The following ATP1A2 variants were observed in gnomAD, a reference collection of about 807,000 sequenced individuals.
The protein encoded by ATP1A2 is ATPase Na+/K+ transporting subunit alpha 2.
Under a neutral mutation model 113.1 loss-of-function variants are expected in ATP1A2, and 56 were observed. The ratio of observed to expected loss-of-function variants is 0.49; its 90% CI spans 0.40 to 0.62. ATP1A2 has a LOEUF of 0.62. ATP1A2 is among the 20% of genes least tolerant of loss of function. The pLI is 0.00. For synonymous variants in ATP1A2, 490 were observed against 526.8 expected, an observed-to-expected ratio of 0.93 and a Z score of 0.96; for missense variants, 712 against 1,357.8, an observed-to-expected ratio of 0.52 and a Z score of 7.47.
rs1394564075 is a variant in ATP1A2, at chr1:160,136,873, C to T, written c.2710-28C>T. The T allele has an allele frequency of 3.1e-6, 5 of 1,614,128 alleles. No individual in the cohort carries two copies. The African/African-American group carries it at 6.7e-5, about 22-fold the overall frequency. Reference sequence around the variant, plus strand: ...GTCCTACCCTTTCCTCCGACACTCTCATCTGTCTCTGCCCACCCTCCCTCC... The same window carrying T: ...GTCCTACCCTTTCCTCCGACACTCTTATCTGTCTCTGCCCACCCTCCCTCC... On this transcript the variant is annotated intron_variant, in intron 19 of 22. Coordinates refer to ENST00000361216, the MANE Select transcript of ATP1A2 (RefSeq NM_000702.4).
chr1:160,139,929 C>T lies in ATP1A2; in HGVS notation c.2979C>T (p.Leu993=). 2 of 1,614,188 alleles carry T rather than the reference C, an allele frequency of 1.2e-6. No individual in the cohort carries two copies. Among genetic ancestry groups the T allele is most frequent in the South Asian group, 2.2e-5 (2 of 91,082 alleles). Residue 993 remains leucine, a synonymous_variant, in exon 22 of 23, where the codon CTC becomes CTT. Transcript: ENST00000361216. ...TWWFCAFPYS[L]LIFIYDEVRK... ...GGTTCTGCGCCTTCCCCTACAGCCT[C>T]CTCATCTTCATCTATGATGAGGTCC...
At chr1:160,140,035 C>T (rs750669074) in intron 22 of ATP1A2, 51 bp downstream of exon 22, 3 of 1,569,666 alleles carry the variant, frequency 1.9e-6, no homozygotes, top group African/African-American at 2.7e-5. Context: ...ACCACCAGCT[C>T]CTCCCTCCAG....
chr1:160,135,897 C>A lies in ATP1A2; in HGVS notation c.2343C>A (p.Ile781=), dbSNP rs1364929174. 6.2e-7 allele frequency: 1 copy of A among 1,614,184 alleles called. No individual in the cohort carries two copies. Among genetic ancestry groups the A allele is most frequent in the Non-Finnish European group, 8.5e-7 (1 of 1,180,034 alleles). Residue 781 remains isoleucine (I), a synonymous_variant, in exon 17 of 23, where the codon ATC becomes ATA. Transcript: ENST00000361216. The surrounding 1 kb of genome is among the most constrained non-coding windows in gnomAD (Gnocchi z 6.3). ...TCGCCTACACCCTGACCAGCAACAT[C>A]CCCGAGATCACCCCCTTCCTGCTGT... ...KSIAYTLTSN[I]PEITPFLLFI...
chr1:160,128,402 A>G, intron 8 of ATP1A2: 3 of 1,071,606 alleles, frequency 2.8e-6, no homozygotes, highest in Non-Finnish European at 4.1e-6. Flanking sequence ...CCCTATGCTC[A>G]GCTCTGCTCT....
intron 1 of ATP1A2, among the ~76,000 whole-genome samples, chr1:160,119,246 C>T (rs1363529925): frequency 1.4e-5 from 1 of 71,418 alleles, no homozygotes; most frequent in Non-Finnish European, 2.4e-5. Flanking sequence ...CCCAAAACTG[C>T]ATTATCCTGC....
rs1558003364 is a variant in ATP1A2, at chr1:160,123,194, C to G, written c.178-19C>G. 1 of 1,613,782 alleles carries G rather than the reference C, an allele frequency of 6.2e-7. No homozygotes were observed. Among genetic ancestry groups the G allele is most frequent in the African/African-American group, 1.3e-5 (1 of 74,922 alleles). On this transcript the variant is annotated intron_variant, in intron 3 of 22. Transcript: ENST00000361216. ...TTGGCTCCGGATGCGTGCCCCTACG[C>G]CTCTCCTTGCTCCCTCAGGGCCTCA...
In ATP1A2 at chr1:160,130,367, G is replaced by A. The variant is rs1651734483; in HGVS notation, c.1652-55G>A. On this transcript the variant is annotated intron_variant, in intron 12 of 22. Coordinates refer to ENST00000361216, the MANE Select transcript of ATP1A2 (RefSeq NM_000702.4). ...GCATCCCTGGGGTGGGGGACTGTGG[G>A]GGCGTCCAGGAAGCCACTCTGCGGA... 4 of 1,614,054 alleles carry A rather than the reference G, an allele frequency of 2.5e-6. No homozygotes were observed. The East Asian group carries it at 6.7e-5, about 27-fold the overall frequency.
In ATP1A2 at chr1:160,124,304, T is replaced by C; in HGVS notation, c.504T>C (p.Leu168=). ...CCTGTGGCTCCCCACAGCAAGCCCT[T>C]GTGATCCGGGAGGGAGAGAAGATGC... ...SFKNMVPQQA[L]VIREGEKMQI... is the part of the protein sequence containing the mutation. The change falls in exon 6 of 23, where the codon CTT becomes CTC. Residue 168 remains leucine, a synonymous_variant. Coordinates refer to ENST00000361216, the MANE Select transcript of ATP1A2 (RefSeq NM_000702.4). The C allele has an allele frequency of 1.9e-6, 3 of 1,603,890 alleles. No individual in the cohort carries two copies. Among genetic ancestry groups the C allele is most frequent in the African/African-American group, 2.7e-5 (2 of 74,740 alleles).
Position 160,135,654 on chromosome 1 carries a change from C to T in ATP1A2, c.2284+52C>T. 6.2e-7 allele frequency: 1 copy of T among 1,612,390 alleles called. No homozygotes were observed. Among genetic ancestry groups the T allele is most frequent in the Non-Finnish European group, 8.5e-7 (1 of 1,179,924 alleles). On this transcript the variant is annotated intron_variant, in intron 16 of 22. Coordinates refer to ENST00000361216, the MANE Select transcript of ATP1A2 (RefSeq NM_000702.4). The surrounding 1 kb of genome is among the most constrained non-coding windows in gnomAD (Gnocchi z 6.3). ...GTTTGCAGGATACTGAAGCCGGCAC[C>T]TCTGTTCCCTGTCCCTTTACCCCAG...
rs961258104 is a variant in ATP1A2 at position 160,136,449 on chromosome 1, A to G, written c.2563+79A>G. The G allele has an allele frequency of 4.3e-6, 7 of 1,612,338 alleles. No homozygotes were observed. The African/African-American group carries it at 9.3e-5, about 22-fold the overall frequency. On this transcript the variant is annotated intron_variant, in intron 18 of 22. Coordinates refer to ENST00000361216, the MANE Select transcript of ATP1A2 (RefSeq NM_000702.4). ...CTTTCAGAGGAATGAGCCCCAAGCA[A>G]AATTCCAGGACAGAGGCCAGCTACC...
intron 13 of ATP1A2, among the ~76,000 whole-genome samples, chr1:160,132,395 G>A (rs73023701): frequency 0.081 from 12,397 of 152,224 alleles, 558 homozygotes; most frequent in Middle Eastern, 0.18. Flanking sequence ...GGTTTGAGGA[G>A]GGACTGGATT....
At chr1:160,140,104 A>AG in intron 22 of ATP1A2, 120 bp downstream of exon 22, 3 of 1,036,196 alleles carry the variant, frequency 2.9e-6, no homozygotes, top group Non-Finnish European at 4.4e-6. Context: ...CAACACCCTC[A>AG]GATCCTGGGG....
chr1:160,119,255 G>GAAAA (rs1558001685), intron 1 of ATP1A2, among the ~76,000 whole-genome samples: 3 of 2,644 alleles, frequency 1.1e-3, no homozygotes, highest in African/African-American at 6.4e-3. Flanking sequence ...GCATTATCCT[G>GAAAA]CAAAAAAAAA....
At chr1:160,123,890 C>A (rs890993788) in intron 4 of ATP1A2, 53 bp from the exon 5 acceptor site, 1 of 1,548,732 alleles carries the variant, frequency 6.5e-7, no homozygotes, top group Non-Finnish European at 8.9e-7. Context: ...TGGCAGCTGC[C>A]CCTTTAGGGT....
In ATP1A2 at chr1:160,120,937, C is replaced by T. The variant is rs371257019; in HGVS notation, c.44C>T (p.Thr15Met). Residue 15 changes from threonine (T) to methionine (M), a missense_variant, in exon 2 of 23, where the codon ACG becomes ATG. This residue lies in a region of ATP1A2 where 109 missense variants were observed against 162.3 expected (regional missense o/e 0.67). Transcript: ENST00000361216. Reference protein sequence around the residue: ...AGREYSPAATTAENGGGKKKQ... With the variant: ...AGREYSPAATMAENGGGKKKQ... ...CGTGAGTACTCACCTGCCGCCACCA[C>T]GGCAGAGAATGGGGGCGGCAAGAAG... The T allele has an allele frequency of 3.4e-5, 55 of 1,608,432 alleles. No individual in the cohort carries two copies. Among genetic ancestry groups the T allele is most frequent in the South Asian group, 1.0e-4 (9 of 90,312 alleles).
rs1652147923 is a variant in ATP1A2 at position 160,141,463 on chromosome 1, A to T, written c.*141A>T. On this transcript the variant is annotated 3_prime_UTR_variant, in exon 23 of 23. Transcript: ENST00000361216. ...AGATAATGAGGCAACTCAGCAGGCT[A>T]AGTTGCGGGGTATATAAATTGGGGT... 1 of 1,055,064 alleles carries T rather than the reference A, an allele frequency of 9.5e-7. No homozygotes were observed. Among genetic ancestry groups the T allele is most frequent in the African/African-American group, 1.6e-5 (1 of 63,948 alleles). 65.4% of individuals were successfully genotyped at this position (1,055,064 alleles called of 1,614,324 possible).
intron 18 of ATP1A2, 60 bp from the exon 19 acceptor site, chr1:160,136,510 G>A: frequency 6.2e-7 from 1 of 1,613,746 alleles, no homozygotes; most frequent in Non-Finnish European, 8.5e-7. Context: ...GCCCTGAGGG[G>A]CTGTGCCCCT....
intron 12 of ATP1A2, 32 bp downstream of exon 12, chr1:160,130,323 G>A: frequency 6.2e-7 from 1 of 1,614,096 alleles, no homozygotes; most frequent in South Asian, 1.1e-5. Flanking sequence ...GCTCAGAAGG[G>A]GATTCCCAAG....
At position 160,139,554 on chromosome 1, in the gene ATP1A2, C is replaced by T. The variant is rs528903102; in HGVS notation, c.2841-86C>T. 2.6e-6 allele frequency: 3 copies of T among 1,172,522 alleles called. No homozygotes were observed. The South Asian group carries it at 3.7e-5, about 14-fold the overall frequency. 72.6% of individuals were successfully genotyped at this position (1,172,522 alleles called of 1,614,324 possible). A position where few individuals can be genotyped will look rare whatever the true frequency, so the allele number is the denominator to read the frequency against. The stretch of plus-strand genomic sequence containing the variant: ...ACTATGTCGTTTAGAATTCTCTCTC[C>T]TCTTTCCCTTGCACCCCAGGGGTAT... On this transcript the variant is annotated intron_variant, in intron 20 of 22. Transcript: ENST00000361216.
Sources: gnomAD v4.1 joint callset for allele counts (sites outside exome capture counted in the v4.1 genomes callset) on GRCh38, gnomAD v4.1.1 for gene constraint, gnomAD v4.1.1 regional missense constraint, Gnocchi (gnomAD v3.1) non-coding constraint, MANE v1.5 for transcripts, NCBI Gene and HGNC (gene_info 2026-07-23, HGNC 2026-07-21) for gene names.